LRRK2: variants seen among roughly 807,000 people sequenced by gnomAD.
LRRK2 encodes leucine-rich repeat serine/threonine-protein kinase 2.
A neutral mutation model predicts 302.6 loss-of-function variants in LRRK2; 203 were observed. That is an observed-to-expected ratio of 0.67 (90% CI 0.60 to 0.75). The LOEUF is 0.75. Ranked by LOEUF, LRRK2 falls within the 30% of genes least tolerant of loss-of-function variation. The pLI, the probability that LRRK2 is intolerant of heterozygous loss-of-function variation, is 0.00. For missense variants in LRRK2, 2,830 were observed against 2,951.0 expected (o/e 0.96, Z 0.95); for synonymous variants, 1,066 against 1,031.9 (o/e 1.03, Z -0.63).
At chr12:40,286,965 A>C (rs1293213690) in intron 19 of LRRK2, among the ~76,000 whole-genome samples, 1 of 152,034 alleles carries the variant, frequency 6.6e-6, no homozygotes, top group Non-Finnish European at 1.5e-5. Flanking sequence ...TTTCATCACC[A>C]TATACTGTAT....
At chr12:40,290,976 T>A (rs1023431930) in intron 20 of LRRK2, among the ~76,000 whole-genome samples, 3 of 152,206 alleles carry the variant, frequency 2.0e-5, no homozygotes, top group Admixed American at 2.0e-4. Flanking sequence ...TTTCACTGCA[T>A]CCCAATATTT....
chr12:40,322,783 T>C (rs1175765175), intron 37 of LRRK2, among the ~76,000 whole-genome samples: 2 of 152,088 alleles, frequency 1.3e-5, no homozygotes, highest in African/African-American at 2.4e-5. Context: ...ATCTATCTCA[T>C]AGAACTGTTA....
chr12:40,310,213 G>A lies in LRRK2; in HGVS notation c.4318-218G>A, dbSNP rs557853325. Among the ~76,000 whole-genome samples the A allele has an allele frequency of 2.6e-5, 4 of 152,170 alleles. No homozygotes were observed. In the East Asian group the frequency reaches 7.7e-4, roughly 29 times the overall value. On this transcript the variant is annotated intron_variant, in intron 30 of 50. Coordinates refer to ENST00000298910, the MANE Select transcript of LRRK2 (RefSeq NM_198578.4). ...ATGCCACCTAAAAGGGTGAAGAATT[G>A]GGTTAAGAAAGGCCAAAAATGACTT...
intron 32 of LRRK2, 68 bp from the exon 33 acceptor site, chr12:40,315,144 T>G (rs1820059503): frequency 7.5e-7 from 1 of 1,340,806 alleles, no homozygotes; most frequent in Non-Finnish European, 1.1e-6. Context: ...TGGACTAGAT[T>G]TTTTCTAAAG....
chr12:40,294,944 T>C, intron 22 of LRRK2, 30 bp downstream of exon 22: 1 of 1,343,834 alleles, frequency 7.4e-7, no homozygotes, highest in Non-Finnish European at 1.1e-6. Flanking sequence ...CATAAGTAAA[T>C]AGATATTTTG....
intron 20 of LRRK2, among the ~76,000 whole-genome samples, chr12:40,291,153 A>G (rs893395900): frequency 2.0e-5 from 3 of 152,060 alleles, no homozygotes; most frequent in Non-Finnish European, 4.4e-5. Context: ...GCTGGAAACC[A>G]TCGTTCTCAG....
chr12:40,322,020 G>C lies in LRRK2; in HGVS notation c.5171-15G>C. ...ACTTAGGAAGCAGTTAATAATTAAT[G>C]GCTCCATTTTTTAGAACGAGCACTT... On this transcript the variant is annotated splice_polypyrimidine_tract_variant and intron_variant, in intron 35 of 50. Coordinates refer to ENST00000298910, the MANE Select transcript of LRRK2 (RefSeq NM_198578.4). The C allele has an allele frequency of 6.2e-7, 1 of 1,612,630 alleles. No homozygotes were observed.
rs749877715 is a variant in LRRK2 at position 40,351,519 on chromosome 12, T to C, written c.6382-20T>C. 2.0e-5 allele frequency: 33 copies of C among 1,612,022 alleles called. No individual in the cohort carries two copies. In the East Asian group the frequency reaches 6.2e-4, roughly 30 times the overall value. ...AGTTAACTCGATAAGTACTGTTTTG[T>C]TATCTTTAAACTTTCTCAGGTCTTT... On this transcript the variant is annotated intron_variant, in intron 43 of 50. Coordinates refer to ENST00000298910, the MANE Select transcript of LRRK2 (RefSeq NM_198578.4).
intron 18 of LRRK2, among the ~76,000 whole-genome samples, chr12:40,281,011 T>C (rs1344589589): frequency 6.9e-6 from 1 of 145,210 alleles, no homozygotes; most frequent in Non-Finnish European, 1.5e-5. Context: ...GAGCTTGCAG[T>C]GAGCCTAGAT....
intron 16 of LRRK2, among the ~76,000 whole-genome samples, chr12:40,276,616 T>A (rs573317751): frequency 6.6e-6 from 1 of 152,222 alleles, no homozygotes; most frequent in African/African-American, 2.4e-5. Context: ...TGTTTAAAAG[T>A]TTTTAATTCG....
At chr12:40,233,398 G>A (rs187200827) in intron 3 of LRRK2, among the ~76,000 whole-genome samples, 2 of 152,278 alleles carry the variant, frequency 1.3e-5, no homozygotes, top group Non-Finnish European at 2.9e-5. Context: ...TCAGTGTCAA[G>A]TAGTGCTATA....
intron 6 of LRRK2, among the ~76,000 whole-genome samples, chr12:40,243,017 C>T (rs1941809292): frequency 6.6e-6 from 1 of 150,986 alleles, no homozygotes; most frequent in African/African-American, 2.4e-5. Flanking sequence ...ATTATTGTCC[C>T]TATTTTACCA....
chr12:40,311,865 T>C (rs1945047161), intron 31 of LRRK2, among the ~76,000 whole-genome samples: 1 of 152,162 alleles, frequency 6.6e-6, no homozygotes, highest in South Asian at 2.1e-4. Flanking sequence ...TTTGTAGACT[T>C]TCCTATTCTC....
At position 40,269,329 on chromosome 12, in the gene LRRK2, T is replaced by C. The variant is rs1419767987; in HGVS notation, c.1657-5254T>C. ...TCTCCACCTTGTGGTGATTCTGGCATAGTATTTAGTAGTTAGGTTGAAGCA... is the reference window on the plus strand; with the variant it reads ...TCTCCACCTTGTGGTGATTCTGGCACAGTATTTAGTAGTTAGGTTGAAGCA... On this transcript the variant is annotated intron_variant, in intron 14 of 50. Coordinates refer to ENST00000298910, the MANE Select transcript of LRRK2 (RefSeq NM_198578.4). Among the ~76,000 whole-genome samples, 4 of 152,168 alleles carry C rather than the reference T, an allele frequency of 2.6e-5. No homozygotes were observed. The East Asian group carries it at 7.7e-4, about 29-fold the overall frequency.
In LRRK2 at chr12:40,293,750, A is replaced by C. The variant is rs1038549131; in HGVS notation, c.2808+87A>C. On this transcript the variant is annotated intron_variant, in intron 21 of 50. Transcript: ENST00000298910. ...TAAAATTTATGCCAAAGCTAGGAAC[A>C]ATTGGTAGGGATTTCCCTGATGTAT... is the stretch of plus-strand genomic sequence containing the variant. The C allele has an allele frequency of 1.5e-5, 13 of 876,608 alleles. No homozygotes were observed. In the African/African-American group the frequency reaches 2.1e-4, roughly 14 times the overall value. 54.3% of individuals were successfully genotyped at this position (876,608 alleles called of 1,614,324 possible). A position where few individuals can be genotyped will look rare whatever the true frequency, so the allele number is the denominator to read the frequency against.
chr12:40,240,602 T>A lies in LRRK2; in HGVS notation c.691T>A (p.Ser231Thr). The A allele has an allele frequency of 6.2e-7, 1 of 1,613,318 alleles. No individual in the cohort carries two copies. The highest frequency in any genetic ancestry group is 8.5e-7 in the Non-Finnish European group (1 of 1,179,560). Residue 231 changes from serine (S) to threonine (T), a missense_variant, in exon 6 of 51, where the codon TCC (serine) becomes ACC (threonine). Physicochemically the swap from Ser to Thr is moderately conservative, Grantham distance 58 (BLOSUM62 1). Around this residue, in one of 3 missense-constraint regions of LRRK2, gnomAD observed 2,121 missense variants for 2,148.0 expected, o/e 0.99. Transcript: ENST00000298910. ...IVLHVLHCLH[S>T]LAIPCNNVEV... ...GCTTCATGTGCTGCATTGTTTACAT[T>A]CCCTAGCGATTCCTTGTAAGTAGCA...
Position 40,368,876 on chromosome 12 carries a change from G to T in LRRK2, c.*1111G>T, listed in dbSNP as rs948032392. The T allele has an allele frequency of 5.9e-5, 9 of 151,636 alleles. No homozygotes were observed. The highest frequency in any genetic ancestry group is 1.7e-4 in the African/African-American group (7 of 41,314). 9.4% of individuals were successfully genotyped at this position (151,636 alleles called of 1,614,324 possible). ...AGCTTACCACAATAGGAGTATCAGG[G>T]CCAAATACCTATGTAATAATTTGAG... is the stretch of plus-strand genomic sequence containing the variant. On this transcript the variant is annotated 3_prime_UTR_variant, in exon 51 of 51. Coordinates refer to ENST00000298910, the MANE Select transcript of LRRK2 (RefSeq NM_198578.4).
chr12:40,338,159 C>T (rs4767970), intron 40 of LRRK2, among the ~76,000 whole-genome samples: 107,066 of 147,248 alleles, frequency 0.73, 38,377 homozygotes, highest in Non-Finnish European at 0.8. Flanking sequence ...GTTTTTCTCC[C>T]TCTGTGCTTC....
chr12:40,336,433 G>A (rs1428313007), intron 40 of LRRK2, among the ~76,000 whole-genome samples: 2 of 152,100 alleles, frequency 1.3e-5, no homozygotes, highest in African/African-American at 4.8e-5. Flanking sequence ...CAGAATCTAA[G>A]TACCATGAAA....
Sources: gnomAD v4.1 joint callset for allele counts (sites outside exome capture counted in the v4.1 genomes callset) on GRCh38, gnomAD v4.1.1 for gene constraint, gnomAD v4.1.1 regional missense constraint, MANE v1.5 for transcripts, NCBI Gene and HGNC (gene_info 2026-07-23, HGNC 2026-07-21) for gene names.